The following SNTG1 variants were observed in gnomAD, a reference collection of about 807,000 sequenced individuals.
SNTG1 encodes the protein gamma-1-syntrophin.
A neutral mutation model predicts 74.7 loss-of-function variants in SNTG1; 39 were observed. That is an observed-to-expected ratio of 0.52 (90% confidence interval 0.40 to 0.68). SNTG1 has a LOEUF of 0.68. SNTG1 is among the 30% of genes least tolerant of loss of function. The pLI is 0.00. For missense variants in SNTG1, 685 were observed against 609.5 expected (o/e 1.12, Z -1.30); for synonymous variants, 254 against 217.1 (o/e 1.17, Z -1.49).
intron 2 of SNTG1, among the ~76,000 whole-genome samples, chr8:50,344,241 C>T (rs1353154722): frequency 6.6e-6 from 1 of 152,170 alleles, no homozygotes; most frequent in Non-Finnish European, 1.5e-5. Flanking sequence ...AAGCAACTTA[C>T]TATCCCAGTT....
rs114781886 is a variant in SNTG1 at position 50,429,264 on chromosome 8, C to A, written c.163-9279C>A. On this transcript the variant is annotated intron_variant, in intron 4 of 18. Coordinates refer to ENST00000642720, the MANE Select transcript of SNTG1 (RefSeq NM_018967.5). ...AAGCTTACTATGAATAGACAGTAAT[C>A]TAAGGTGGTACTGGCATAACGATAG... is the stretch of plus-strand genomic sequence containing the variant. 1.9e-3 allele frequency among the ~76,000 whole-genome samples: 293 copies of A among 152,006 alleles called. 2 individuals are homozygous for A. Among genetic ancestry groups the A allele is most frequent in the African/African-American group, 6.8e-3 (284 of 41,494 alleles).
intron 2 of SNTG1, among the ~76,000 whole-genome samples, chr8:50,216,204 A>G (rs1258389195): frequency 1.3e-5 from 2 of 152,148 alleles, no homozygotes; most frequent in Admixed American, 1.3e-4. Flanking sequence ...AAGCCACAAA[A>G]GGATAGGAAC....
At chr8:50,777,470 T>G (rs2095644266) in intron 18 of SNTG1, among the ~76,000 whole-genome samples, 1 of 150,798 alleles carries the variant, frequency 6.6e-6, no homozygotes, top group Non-Finnish European at 1.5e-5. Context: ...TTCTTTTTTA[T>G]GTCTTTTATT....
intron 1 of SNTG1, among the ~76,000 whole-genome samples, chr8:49,993,611 TGTGTTCTC>T (rs1813896723): frequency 9.9e-6 from 1 of 101,486 alleles, no homozygotes; most frequent in Non-Finnish European, 2.5e-5. Flanking sequence ...CCTGTGTCCA[TGTGTTCTC>T]ATTTTTCAAC....
intron 2 of SNTG1, among the ~76,000 whole-genome samples, chr8:50,249,928 CA>C (rs1356222864): frequency 6.6e-6 from 1 of 151,426 alleles, no homozygotes; most frequent in Non-Finnish European, 1.5e-5. Context: ...AAAAATATAA[CA>C]ACCACAAAAT....
chr8:50,639,907 T>C (rs1468687416), intron 13 of SNTG1, among the ~76,000 whole-genome samples: 1 of 152,046 alleles, frequency 6.6e-6, no homozygotes, highest in African/African-American at 2.4e-5. Context: ...ACATGATAGG[T>C]TTTACTTTTT....
In SNTG1 at chr8:50,345,923, G is replaced by A. The variant is rs563158315; in HGVS notation, c.-27-48289G>A. On this transcript the variant is annotated intron_variant, in intron 2 of 18. Coordinates refer to ENST00000642720, the MANE Select transcript of SNTG1 (RefSeq NM_018967.5). ...TAACCATCCTTGCTTTAGTTTGACA[G>A]TATTATTTTACCAAATCTAATAGTG... Among the ~76,000 whole-genome samples, 13 of 152,240 alleles carry A rather than the reference G, an allele frequency of 8.5e-5. 1 individual carries two copies. Among genetic ancestry groups the A allele is most frequent in the African/African-American group, 3.1e-4 (13 of 41,542 alleles).
At chr8:50,300,117 C>T (rs2089581141) in intron 2 of SNTG1, among the ~76,000 whole-genome samples, 1 of 151,968 alleles carries the variant, frequency 6.6e-6, no homozygotes, top group Admixed American at 6.6e-5. Flanking sequence ...CAGAGAAGTC[C>T]AATAATCTGC....
rs182151440 is a variant in SNTG1, at chr8:50,487,281, G to A, written c.364-15497G>A. Among the ~76,000 whole-genome samples the A allele has an allele frequency of 1.1e-3, 167 of 152,250 alleles. 3 individuals carry two copies. Among genetic ancestry groups the A allele is most frequent in the Non-Finnish European group, 6.9e-4 (47 of 68,026 alleles). ...CAACCATTGTGGAAGTCAGTGTGGC[G>A]ATTCCTTAGAGATCTAGAATTAGAA... is the stretch of plus-strand genomic sequence containing the variant. On this transcript the variant is annotated intron_variant, in intron 8 of 18. Transcript: ENST00000642720.
chr8:50,759,495 A>T (rs1176165801), intron 18 of SNTG1, among the ~76,000 whole-genome samples: 3 of 152,118 alleles, frequency 2.0e-5, no homozygotes, highest in East Asian at 1.9e-4. Context: ...ATAAAGTGTA[A>T]AGAAGGGGTC....
At chr8:49,987,472 A>T (rs1165667781) in intron 1 of SNTG1, among the ~76,000 whole-genome samples, 1 of 152,142 alleles carries the variant, frequency 6.6e-6, no homozygotes, top group Non-Finnish European at 1.5e-5. Flanking sequence ...TGTTTCCAAA[A>T]TCTATTCTTG....
At chr8:50,506,415 A>G (rs1415052306) in intron 9 of SNTG1, among the ~76,000 whole-genome samples, 1 of 152,038 alleles carries the variant, frequency 6.6e-6, no homozygotes, top group Non-Finnish European at 1.5e-5. Context: ...ATTGCATTGA[A>G]CCTGTAGATT....
intron 18 of SNTG1, among the ~76,000 whole-genome samples, chr8:50,789,839 A>G (rs984466372): frequency 2.0e-5 from 3 of 151,970 alleles, no homozygotes; most frequent in Non-Finnish European, 4.4e-5. Flanking sequence ...CATGTCGCTC[A>G]TAGTAAAACT....
chr8:50,180,014 G>GAT (rs1307019186), intron 2 of SNTG1, among the ~76,000 whole-genome samples: 1 of 152,132 alleles, frequency 6.6e-6, no homozygotes, highest in East Asian at 1.9e-4. Context: ...CAATAGCCAA[G>GAT]ATATTAAAAC....
At chr8:50,281,977 G>A (rs188887479) in intron 2 of SNTG1, among the ~76,000 whole-genome samples, 99 of 152,218 alleles carry the variant, frequency 6.5e-4, no homozygotes, top group African/African-American at 2.1e-3. Context: ...CAGGAGCATC[G>A]CCATCTTGGA....
At chr8:50,461,545 A>G (rs2093562649) in intron 8 of SNTG1, among the ~76,000 whole-genome samples, 1 of 152,108 alleles carries the variant, frequency 6.6e-6, no homozygotes, top group African/African-American at 2.4e-5. Context: ...GATCATTTTG[A>G]TAAATCACTC....
intron 16 of SNTG1, among the ~76,000 whole-genome samples, chr8:50,707,480 C>G (rs1287035590): frequency 6.6e-6 from 1 of 151,878 alleles, no homozygotes; most frequent in African/African-American, 2.4e-5. Context: ...AAATGTAACT[C>G]TAAAAGAATA....
intron 17 of SNTG1, among the ~76,000 whole-genome samples, chr8:50,736,316 T>C (rs1161726889): frequency 6.6e-6 from 1 of 150,752 alleles, no homozygotes; most frequent in Non-Finnish European, 1.5e-5. Flanking sequence ...AATTAAAAGA[T>C]CAAAAAACAC....
At chr8:50,484,154 TTCCTTCC>T (rs1563453655) in intron 8 of SNTG1, among the ~76,000 whole-genome samples, 156 of 37,310 alleles carry the variant, frequency 4.2e-3, no homozygotes, top group East Asian at 0.013. Context: ...CTTTCTTTCC[TTCCTTCC>T]TTCCTTCCTT....
Sources: gnomAD v4.1 joint callset for allele counts (sites outside exome capture counted in the v4.1 genomes callset) on GRCh38, gnomAD v4.1.1 for gene constraint, MANE v1.5 for transcripts, NCBI Gene and HGNC (gene_info 2026-07-23, HGNC 2026-07-21) for gene names.